Variants in CHEK1 observed in about 807,000 individuals in gnomAD.
The protein encoded by CHEK1 is serine/threonine-protein kinase Chk1.
CHEK1 carries 32 observed loss-of-function variants against 60.2 expected under a neutral mutation model. That is an observed-to-expected ratio of 0.53 (90% confidence interval 0.40 to 0.71). CHEK1 has a LOEUF of 0.71. Ranked by LOEUF, CHEK1 falls within the 30% of genes least tolerant of loss-of-function variation. The pLI is 0.00. For missense variants in CHEK1, 399 were observed against 564.6 expected, an observed-to-expected ratio of 0.71 and a Z score of 2.97; for synonymous variants, 179 against 187.2, an observed-to-expected ratio of 0.96 and a Z score of 0.36.
downstream of CHEK1, among the ~76,000 whole-genome samples, chr11:125,680,195 G>T (rs1432765229): frequency 2.0e-5 from 3 of 152,228 alleles, no homozygotes; most frequent in African/African-American, 7.2e-5. Flanking sequence ...GTAGGAGGCA[G>T]GAGGGAACAC....
At chr11:125,633,998 G>GTTTTTTTT (rs10626345) in intron 6 of CHEK1, among the ~76,000 whole-genome samples, 5 of 126,952 alleles carry the variant, frequency 3.9e-5, no homozygotes, top group Non-Finnish European at 8.0e-5. Flanking sequence ...CTCTATTGTG[G>GTTTTTTTT]TTTTTTTTTT....
At position 125,629,296 on chromosome 11, in the gene CHEK1, G is replaced by A. The variant is rs375305289; in HGVS notation, c.354G>A (p.Val118=). ...TCTTCCATCAACTCATGGCAGGGGT[G>A]GTAGGTATAGTTGTCTATTTCCCTT... ...QRFFHQLMAG[V]VYLHGIGITH... is the part of the protein sequence containing the mutation. The change falls in exon 4 of 13, where the codon GTG becomes GTA. Residue 118 remains valine, a splice_region_variant and synonymous_variant. Coordinates refer to ENST00000438015, the MANE Select transcript of CHEK1 (RefSeq NM_001114122.3). 35 of 1,613,880 alleles carry A rather than the reference G, an allele frequency of 2.2e-5. No individual in the cohort carries two copies. Among genetic ancestry groups the A allele is most frequent in the Non-Finnish European group, 2.9e-5 (34 of 1,179,968 alleles).
chr11:125,644,438 C>A, intron 10 of CHEK1, 74 bp from the exon 11 acceptor site: 1 of 1,537,920 alleles, frequency 6.5e-7, no homozygotes, highest in South Asian at 1.3e-5. Flanking sequence ...AATTTTAAGT[C>A]AGACTAAATA....
rs1423006802 is a variant in CHEK1, at chr11:125,626,074, T to C, written c.-21+62T>C. On this transcript the variant is annotated intron_variant, in intron 1 of 12. Transcript: ENST00000438015. ...TAAAGAAGGAGTTCGGGGTCTAGATTAGTGAGGGAGGGCATGGTGGGAGAA... is the reference window on the plus strand; with the variant it reads ...TAAAGAAGGAGTTCGGGGTCTAGATCAGTGAGGGAGGGCATGGTGGGAGAA... The C allele has an allele frequency of 1.3e-5, 9 of 673,350 alleles. No homozygotes were observed. In the East Asian group the frequency reaches 2.2e-4, roughly 16 times the overall value. The allele number at this position is 673,350 out of a possible 1,614,324, so 41.7% of individuals were successfully genotyped here.
intron 13 of CHEK1, among the ~76,000 whole-genome samples, chr11:125,669,041 T>G (rs1942149075): frequency 6.6e-6 from 1 of 152,134 alleles, no homozygotes; most frequent in African/African-American, 2.4e-5. Flanking sequence ...GTCATATATA[T>G]CTACTTACAT....
chr11:125,634,798 C>A (rs917397941), intron 6 of CHEK1, among the ~76,000 whole-genome samples: 3 of 152,074 alleles, frequency 2.0e-5, no homozygotes, highest in Non-Finnish European at 4.4e-5. Context: ...GAGGGGGATA[C>A]AAATATTTAG....
At chr11:125,662,300 G>GGCAAA (rs150368853) in intron 13 of CHEK1, among the ~76,000 whole-genome samples, 11,573 of 152,158 alleles carry the variant, frequency 0.076, 509 homozygotes, top group African/African-American at 0.12. Context: ...TAGTGGAAGG[G>GGCAAA]GCAAAGCAGC....
At chr11:125,671,539 T>C (rs140290041) in intron 13 of CHEK1, 140 of 152,332 alleles carry the variant, frequency 9.2e-4, no homozygotes, top group African/African-American at 3.3e-3. Flanking sequence ...TGTATATATG[T>C]TGAAATTTTA....
At chr11:125,626,145 G>A in intron 1 of CHEK1, 133 bp downstream of exon 1, 1 of 613,172 alleles carries the variant, frequency 1.6e-6, no homozygotes, top group Non-Finnish European at 3.0e-6. Context: ...TCCTGCGGAG[G>A]GGCGGTTTCG....
intron 13 of CHEK1, among the ~76,000 whole-genome samples, chr11:125,666,110 G>GT (rs1033621804): frequency 1.3e-5 from 2 of 148,168 alleles, no homozygotes; most frequent in Non-Finnish European, 3.0e-5. Context: ...TTTTTTTTCT[G>GT]TTTTTTTATG....
Position 125,643,819 on chromosome 11 carries a change from G to C in CHEK1, c.842G>C (p.Gly281Ala). ...GCAAAAAGGCCCCGAGTCACTTCAG[G>C]TGGTGTGTCAGAGTCTCCCAGTGGA... is the stretch of plus-strand genomic sequence containing the variant. ...KGAKRPRVTS[G>A]GVSESPSGFS... The change falls in exon 9 of 13, where the codon GGT (glycine) becomes GCT (alanine). Residue 281 changes from glycine to alanine, a missense_variant. By Grantham distance (60) the Gly-to-Ala change is moderately conservative. Around this residue, in one of 2 missense-constraint regions of CHEK1, gnomAD observed 370 missense variants for 494.8 expected, o/e 0.75. Transcript: ENST00000438015. 1 of 1,614,040 alleles carries C rather than the reference G, an allele frequency of 6.2e-7. No homozygotes were observed. Among genetic ancestry groups the C allele is most frequent in the Non-Finnish European group, 8.5e-7 (1 of 1,180,010 alleles).
rs57281904 is a variant in CHEK1, at chr11:125,631,861, CAAAAAAAAAA to C, written c.425-1284_425-1275del. 1.5e-3 allele frequency among the ~76,000 whole-genome samples: 79 copies of C among 51,366 alleles called. 1 individual carries two copies. The highest frequency in any genetic ancestry group is 8.8e-4 in the African/African-American group (11 of 12,464). 33.7% of individuals were successfully genotyped at this position (51,366 alleles called of 152,430 possible). On this transcript the variant is annotated intron_variant, in intron 5 of 12. Coordinates refer to ENST00000438015, the MANE Select transcript of CHEK1 (RefSeq NM_001114122.3). Reference sequence around the variant, plus strand: ...TGGGCAGCAGAGTGAGACACTTTCTCAAAAAAAAAAAAAAAAAAAAAAAAAAAGGGTAATC... The same window carrying C: ...TGGGCAGCAGAGTGAGACACTTTCTCAAAAAAAAAAAAAAAAAGGGTAATC...
chr11:125,654,744 T>C lies in CHEK1; in HGVS notation c.1336-481T>C, dbSNP rs139144317. Among the ~76,000 whole-genome samples, 397 of 152,282 alleles carry C rather than the reference T, an allele frequency of 2.6e-3. No homozygotes were observed. Among genetic ancestry groups the C allele is most frequent in the Non-Finnish European group, 3.6e-3 (246 of 68,016 alleles). The stretch of plus-strand genomic sequence containing the variant: ...GCATTTGCCGCAGTACTCTTTGTAT[T>C]AGAGATTTGCTGCAATACTGTTTTT... On this transcript the variant is annotated intron_variant, in intron 12 of 12. Transcript: ENST00000438015.
At chr11:125,634,811 C>T (rs1036602768) in intron 6 of CHEK1, among the ~76,000 whole-genome samples, 9 of 152,132 alleles carry the variant, frequency 5.9e-5, no homozygotes, top group Non-Finnish European at 1.3e-4. Flanking sequence ...ATATTTAGCA[C>T]ATTGCAAATA....
Position 125,656,927 on chromosome 11 carries a change from G to T in CHEK1, c.*1607G>T, listed in dbSNP as rs1381387110. 3 of 203,874 alleles carry T rather than the reference G, an allele frequency of 1.5e-5. No individual in the cohort carries two copies. Among genetic ancestry groups the T allele is most frequent in the African/African-American group, 6.9e-5 (3 of 43,648 alleles). 12.6% of individuals were successfully genotyped at this position (203,874 alleles called of 1,614,324 possible). On this transcript the variant is annotated 3_prime_UTR_variant, in exon 13 of 13. Coordinates refer to ENST00000438015, the MANE Select transcript of CHEK1 (RefSeq NM_001114122.3). ...CTGACATTTATTTATCTGAACACTG[G>T]TAATTGCCTCAGTAAAGACACTGAT...
At position 125,625,710 on chromosome 11, in the gene CHEK1, C is replaced by G. The variant is rs1016817353; in HGVS notation, c.-323C>G. 7.7e-6 allele frequency: 5 copies of G among 645,922 alleles called. No individual in the cohort carries two copies. Among genetic ancestry groups the G allele is most frequent in the Non-Finnish European group, 1.1e-5 (4 of 351,154 alleles). The allele number at this position is 645,922 out of a possible 1,614,324, so 40.0% of individuals were successfully genotyped here. ...AGCGCTCGAGCACCGCCCAGTCGAG[C>G]CTCACACCGGATGCCACTTCATATT... On this transcript the variant is annotated 5_prime_UTR_variant, in exon 1 of 13. Coordinates refer to ENST00000438015, the MANE Select transcript of CHEK1 (RefSeq NM_001114122.3).
chr11:125,627,027 G>A (rs924809808), intron 2 of CHEK1, among the ~76,000 whole-genome samples, 194 bp downstream of exon 2: 5 of 152,182 alleles, frequency 3.3e-5, no homozygotes, highest in Admixed American at 2.6e-4. Flanking sequence ...AGAGCTGGAA[G>A]GGACACGAAG....
At chr11:125,669,054 A>G (rs1184917436) in intron 13 of CHEK1, among the ~76,000 whole-genome samples, 1 of 152,146 alleles carries the variant, frequency 6.6e-6, no homozygotes, top group East Asian at 1.9e-4. Context: ...ACTTACATTA[A>G]AAAAAAGTCT....
At chr11:125,660,156 G>A (rs1941986476), downstream of CHEK1, among the ~76,000 whole-genome samples, 1 of 152,134 alleles carries the variant, frequency 6.6e-6, no homozygotes, top group Non-Finnish European at 1.5e-5. Context: ...TTCTTTTACA[G>A]CTTGGTGTGT....
Sources: gnomAD v4.1 joint callset for allele counts (sites outside exome capture counted in the v4.1 genomes callset) on GRCh38, gnomAD v4.1.1 for gene constraint, gnomAD v4.1.1 regional missense constraint, MANE v1.5 for transcripts, NCBI Gene and HGNC (gene_info 2026-07-23, HGNC 2026-07-21) for gene names.